The following ADCY9 variants were observed in gnomAD, a reference collection of about 807,000 sequenced individuals.
The protein encoded by ADCY9 is adenylate cyclase 9, also known as adenylate cyclase type 9.
In ADCY9, 50 loss-of-function variants were observed where a neutral mutation model predicts 101.5. That is an observed-to-expected ratio of 0.49 (90% confidence interval 0.39 to 0.62). The LOEUF (loss-of-function observed/expected upper bound fraction) is 0.62, where lower values mean the gene tolerates loss of function less well. Ranked by LOEUF, ADCY9 falls within the 20% of genes least tolerant of loss-of-function variation. The pLI is 0.00. For missense variants in ADCY9, 1,662 were observed against 1,800.4 expected, an observed-to-expected ratio of 0.92 and a Z score of 1.39; for synonymous variants, 905 against 769.3, an observed-to-expected ratio of 1.18 and a Z score of -2.92.
At chr16:3,996,049 T>C (rs1248798666) in intron 3 of ADCY9, among the ~76,000 whole-genome samples, 1 of 152,190 alleles carries the variant, frequency 6.6e-6, no homozygotes, top group African/African-American at 2.4e-5. Context: ...CCTCTTGGTA[T>C]TGACTGGCAG....
At chr16:4,113,662 G>A in intron 2 of ADCY9, 88 bp downstream of exon 2, 15 of 1,498,672 alleles carry the variant, frequency 1.0e-5, no homozygotes, top group Non-Finnish European at 1.3e-5. Flanking sequence ...TGAGCTGTCT[G>A]CAGACACTGA....
intron 2 of ADCY9, among the ~76,000 whole-genome samples, chr16:4,050,925 A>G (rs2141148808): frequency 6.6e-6 from 1 of 152,172 alleles, no homozygotes; most frequent in East Asian, 1.9e-4. Context: ...CAAGAACTAA[A>G]CATGTGGCCG....
chr16:4,032,106 T>C (rs2056559480), intron 2 of ADCY9: 1 of 151,598 alleles, frequency 6.6e-6, no homozygotes, highest in Non-Finnish European at 1.5e-5. Flanking sequence ...CTGGCCAACA[T>C]GGTGAAACCC....
intron 3 of ADCY9, among the ~76,000 whole-genome samples, chr16:4,001,948 C>T (rs1383802218): frequency 2.0e-5 from 3 of 152,082 alleles, no homozygotes; most frequent in South Asian, 4.1e-4. Flanking sequence ...GGGGTTTCAC[C>T]ATGTTGGCCA....
At chr16:4,030,544 A>G (rs1385799610) in intron 2 of ADCY9, among the ~76,000 whole-genome samples, 1 of 152,158 alleles carries the variant, frequency 6.6e-6, no homozygotes, top group African/African-American at 2.4e-5. Context: ...TCTACTAAAA[A>G]TACAAAAAAT....
chr16:3,962,464 A>T (rs1449659874), downstream of ADCY9, among the ~76,000 whole-genome samples: 1 of 152,202 alleles, frequency 6.6e-6, no homozygotes, highest in Non-Finnish European at 1.5e-5. Context: ...AATAGATCCA[A>T]TTAAAAAAAT....
intron 2 of ADCY9, among the ~76,000 whole-genome samples, chr16:4,018,967 G>GTGTGTGTGTGTGTGTGTGTGTGTTT (rs1178021167): frequency 2.0e-5 from 3 of 151,280 alleles, no homozygotes; most frequent in Non-Finnish European, 4.4e-5. Flanking sequence ...GTGTGTGTGT[G>GTGTGTGTGTGTGTGTGTGTGTGTTT]TGTTTTGTTT....
intron 2 of ADCY9, among the ~76,000 whole-genome samples, chr16:4,112,340 C>T (rs1439055053): frequency 1.3e-5 from 2 of 152,144 alleles, no homozygotes; most frequent in East Asian, 1.9e-4. Flanking sequence ...AAATAGTTTT[C>T]GTCTACATCC....
intron 2 of ADCY9, among the ~76,000 whole-genome samples, chr16:4,090,616 C>A (rs908146925): frequency 3.9e-5 from 6 of 152,044 alleles, no homozygotes; most frequent in African/African-American, 1.4e-4. Flanking sequence ...CTCACTCGAC[C>A]CCACGGAAAC....
At chr16:3,954,850 ACT>A (rs978479079) in intron 5 of ADCY9, among the ~76,000 whole-genome samples, 37 of 151,314 alleles carry the variant, frequency 2.4e-4, no homozygotes, top group Non-Finnish European at 4.4e-4. Context: ...AACACAGCCA[ACT>A]CTTTTGGAGT....
intron 6 of ADCY9, among the ~76,000 whole-genome samples, chr16:3,988,708 G>A (rs1175118165): frequency 6.6e-6 from 1 of 151,526 alleles, no homozygotes; most frequent in Non-Finnish European, 1.5e-5. Context: ...TTGTGGTGGG[G>A]GGGCCCCTTC....
chr16:3,993,365 A>C (rs774762593), intron 4 of ADCY9, 41 bp downstream of exon 4: 1 of 1,605,426 alleles, frequency 6.2e-7, no homozygotes. Flanking sequence ...TGGATGCGCC[A>C]GGAGAGGAAC....
chr16:4,114,817 G>T lies in ADCY9; in HGVS notation c.626C>A (p.Ala209Asp), dbSNP rs774765745. The T allele has an allele frequency of 6.2e-7, 1 of 1,613,452 alleles. No homozygotes were observed. The highest frequency in any genetic ancestry group is 8.5e-7 in the Non-Finnish European group (1 of 1,180,054). The part of the protein sequence containing the change: ...SGRGDSSNLT[A>D]TARPTDTCLS... ...GCAAGTATCTGTGGGCCGGGCTGTG[G>T]CCGTAAGGTTGGAGCTGTCGCCGCG... Residue 209 changes from alanine (A) to aspartate (D), a missense_variant, in exon 2 of 11, where the codon GCC becomes GAC. Around this residue, in one of 5 missense-constraint regions of ADCY9, gnomAD observed 422 missense variants for 392.0 expected, o/e 1.08. Transcript: ENST00000294016. This position sits in a 1 kb window ranked among gnomAD's most constrained non-coding sequence, Gnocchi z 4.3.
intron 2 of ADCY9, among the ~76,000 whole-genome samples, chr16:4,065,727 C>T (rs57000887): frequency 0.013 from 2,004 of 152,334 alleles, 47 homozygotes; most frequent in African/African-American, 0.045. Context: ...AGCCACCACA[C>T]CTGGCTAATT....
chr16:4,054,412 A>G (rs2056722637), intron 2 of ADCY9, among the ~76,000 whole-genome samples: 2 of 152,196 alleles, frequency 1.3e-5, no homozygotes, highest in Admixed American at 6.5e-5. Flanking sequence ...AGAAACCAAG[A>G]CTTCGCAGGG....
intron 2 of ADCY9, among the ~76,000 whole-genome samples, chr16:4,043,099 C>T (rs960632306): frequency 3.3e-5 from 5 of 152,012 alleles, no homozygotes; most frequent in African/African-American, 1.2e-4. Flanking sequence ...GGCGTGGTGG[C>T]GGGCGACTGA....
At chr16:4,001,097 C>A (rs2056327307) in intron 3 of ADCY9, among the ~76,000 whole-genome samples, 1 of 152,028 alleles carries the variant, frequency 6.6e-6, no homozygotes, top group Non-Finnish European at 1.5e-5. Flanking sequence ...TCCGTACATA[C>A]TCACCGTACA....
intron 2 of ADCY9, among the ~76,000 whole-genome samples, chr16:4,035,260 A>T (rs2056581538): frequency 6.6e-6 from 1 of 152,222 alleles, no homozygotes; most frequent in African/African-American, 2.4e-5. Flanking sequence ...CCAGGGAACC[A>T]GTGTCAGAAT....
intron 2 of ADCY9, among the ~76,000 whole-genome samples, chr16:4,060,829 A>G (rs2056769788): frequency 6.6e-6 from 1 of 152,234 alleles, no homozygotes; most frequent in Non-Finnish European, 1.5e-5. Flanking sequence ...GCAAAGAAAC[A>G]TAAAGTATTG....
Sources: allele counts gnomAD v4.1 joint callset (sites outside exome capture counted in the v4.1 genomes callset), GRCh38; gene constraint gnomAD v4.1.1; regional missense constraint gnomAD v4.1.1; non-coding constraint Gnocchi (gnomAD v3.1); transcripts MANE v1.5; gene names NCBI Gene and HGNC (gene_info 2026-07-23, HGNC 2026-07-21).